The following STAG1 variants were observed in gnomAD, a reference collection of about 807,000 sequenced individuals.
The protein encoded by STAG1 is cohesin subunit SA-1.
A neutral mutation model predicts 170.9 loss-of-function variants in STAG1; 26 were observed. That is an observed-to-expected ratio of 0.15 (90% CI 0.11 to 0.21). The LOEUF (loss-of-function observed/expected upper bound fraction) is 0.21, where lower values mean the gene tolerates loss of function less well. STAG1 is among the 10% of genes least tolerant of loss of function. The pLI is 1.00. For missense variants in STAG1, 964 were observed against 1,509.5 expected (o/e 0.64, Z 5.99); for synonymous variants, 514 against 497.7 (o/e 1.03, Z -0.44).
At chr3:136,339,452 GGCAGAGGTT>G (rs1935850156) in intron 32 of STAG1, among the ~76,000 whole-genome samples, 1 of 152,170 alleles carries the variant, frequency 6.6e-6, no homozygotes, top group Non-Finnish European at 1.5e-5. Context: ...GAACCTGGGA[GGCAGAGGTT>G]GCAGTGAGCC....
At chr3:136,695,634 G>GAA (rs35284821) in intron 1 of STAG1, among the ~76,000 whole-genome samples, 13 of 143,318 alleles carry the variant, frequency 9.1e-5, no homozygotes, top group Non-Finnish European at 1.4e-4. Flanking sequence ...GTACTCACTA[G>GAA]AAAAAAAAAA....
intron 1 of STAG1, among the ~76,000 whole-genome samples, chr3:136,659,748 A>G (rs138376855): frequency 4.1e-4 from 63 of 152,386 alleles, no homozygotes; most frequent in African/African-American, 1.4e-3. Flanking sequence ...AAACTGATAC[A>G]GTAAAGGAGA....
chr3:136,651,018 G>A (rs1941199676), intron 1 of STAG1, among the ~76,000 whole-genome samples: 1 of 151,948 alleles, frequency 6.6e-6, no homozygotes, highest in Non-Finnish European at 1.5e-5. Context: ...AGAAGAAAGG[G>A]AAGATGACAA....
intron 4 of STAG1, among the ~76,000 whole-genome samples, chr3:136,585,611 T>C (rs1937776666): frequency 6.6e-6 from 1 of 151,374 alleles, no homozygotes; most frequent in Non-Finnish European, 1.5e-5. Context: ...ATAATAATAA[T>C]AATAATAAAA....
At chr3:136,499,500 C>A (rs901234921) in intron 9 of STAG1, among the ~76,000 whole-genome samples, 1 of 152,156 alleles carries the variant, frequency 6.6e-6, no homozygotes, top group African/African-American at 2.4e-5. Context: ...TCAAATGGGT[C>A]TGAAAACAGT....
At chr3:136,595,307 G>T (rs998618321) in intron 4 of STAG1, among the ~76,000 whole-genome samples, 1 of 152,038 alleles carries the variant, frequency 6.6e-6, no homozygotes, top group Admixed American at 6.6e-5. Flanking sequence ...TTCAGTGAAC[G>T]CTACCAAGTC....
intron 26 of STAG1, among the ~76,000 whole-genome samples, chr3:136,359,516 GT>G (rs1460832594): frequency 1.3e-5 from 2 of 152,082 alleles, no homozygotes; most frequent in African/African-American, 4.8e-5. Flanking sequence ...ACAGAAATTT[GT>G]TTCTAATAAT....
intron 1 of STAG1, among the ~76,000 whole-genome samples, chr3:136,751,603 T>C (rs1277613331): frequency 6.6e-6 from 1 of 151,176 alleles, no homozygotes; most frequent in Non-Finnish European, 1.5e-5. Flanking sequence ...GCCACCCCGC[T>C]GCCCCACCCC....
intron 15 of STAG1, among the ~76,000 whole-genome samples, chr3:136,438,778 A>G (rs1418776387): frequency 6.6e-6 from 1 of 152,146 alleles, no homozygotes; most frequent in Non-Finnish European, 1.5e-5. Flanking sequence ...TAGTTAATAA[A>G]TATTTTTAAA....
intron 5 of STAG1, among the ~76,000 whole-genome samples, chr3:136,563,385 T>C (rs1483922848): frequency 1.3e-5 from 2 of 152,148 alleles, no homozygotes; most frequent in Non-Finnish European, 2.9e-5. Flanking sequence ...CCATCTTTGT[T>C]GATTTTGTTT....
chr3:136,649,931 C>T (rs1941157175), intron 1 of STAG1, among the ~76,000 whole-genome samples: 2 of 151,880 alleles, frequency 1.3e-5, no homozygotes, highest in Non-Finnish European at 2.9e-5. Flanking sequence ...CCAAGCCTGG[C>T]TAATTCTTTG....
chr3:136,495,970 C>CAA lies in STAG1; in HGVS notation c.902+4251_902+4252dup, dbSNP rs35882097. Among the ~76,000 whole-genome samples the CAA allele has an allele frequency of 1.4e-3, 87 of 64,006 alleles. 1 individual carries two copies. The highest frequency in any genetic ancestry group is 4.2e-3 in the African/African-American group (60 of 14,214). The allele number at this position is 64,006 out of a possible 152,430, so 42.0% of individuals were successfully genotyped here. A position where few individuals can be genotyped will look rare whatever the true frequency, so the allele number is the denominator to read the frequency against. On this transcript the variant is annotated intron_variant, in intron 9 of 33. Transcript: ENST00000383202. ...TGGGTGACAGAGCAAGACTCCGTCT[C>CAA]AAAAAAAAAAAAAAAAAAAAAAAAT...
intron 1 of STAG1, among the ~76,000 whole-genome samples, chr3:136,742,291 G>C (rs960436550): frequency 3.9e-5 from 6 of 152,032 alleles, no homozygotes; most frequent in African/African-American, 1.4e-4. Context: ...AACCAAGATG[G>C]ACCATATGCT....
intron 4 of STAG1, among the ~76,000 whole-genome samples, chr3:136,600,849 CTTG>C (rs201694821): frequency 0.024 from 3,505 of 143,266 alleles, 77 homozygotes; most frequent in African/African-American, 0.025. Flanking sequence ...TTTATTTTTT[CTTG>C]TTGTTGTTTG....
chr3:136,731,662 T>G (rs774816306), intron 1 of STAG1, among the ~76,000 whole-genome samples: 1 of 152,252 alleles, frequency 6.6e-6, no homozygotes, highest in Admixed American at 6.5e-5. Flanking sequence ...AAACAAGAAC[T>G]GTGCTTCAAT....
At chr3:136,444,731 T>G (rs1242228634) in intron 14 of STAG1, among the ~76,000 whole-genome samples, 1 of 152,216 alleles carries the variant, frequency 6.6e-6, no homozygotes, top group East Asian at 1.9e-4. Context: ...TCATAAGTAG[T>G]GGCCCAAAAG....
chr3:136,553,921 T>C (rs1936508386), intron 5 of STAG1, among the ~76,000 whole-genome samples: 1 of 152,120 alleles, frequency 6.6e-6, no homozygotes, highest in Non-Finnish European at 1.5e-5. Flanking sequence ...ATTACAGTGA[T>C]TGTATTAAAT....
Position 136,746,444 on chromosome 3 carries a change from C to A in STAG1, c.-84+5751G>T, listed in dbSNP as rs1211548260. Reference sequence around the variant, plus strand: ...ATAAATGATGAGCTAAAAAAAAAAACTCACAATGTTTTAAGAAAGTGTATA... The same window carrying A: ...ATAAATGATGAGCTAAAAAAAAAAAATCACAATGTTTTAAGAAAGTGTATA... On this transcript the variant is annotated intron_variant, in intron 1 of 33. Transcript: ENST00000383202. 2.6e-5 allele frequency among the ~76,000 whole-genome samples: 4 copies of A among 151,364 alleles called. No homozygotes were observed. In the East Asian group the frequency reaches 7.8e-4, roughly 30 times the overall value.
At chr3:136,422,883 C>T (rs2088000328) in intron 17 of STAG1, 26 bp from the exon 18 acceptor site, 4 of 1,594,346 alleles carry the variant, frequency 2.5e-6, no homozygotes, top group Non-Finnish European at 3.4e-6. Context: ...AAGAAAAAGA[C>T]AGTAACTACT....
Sources: gnomAD v4.1 joint callset for allele counts (sites outside exome capture counted in the v4.1 genomes callset) on GRCh38, gnomAD v4.1.1 for gene constraint, MANE v1.5 for transcripts, NCBI Gene and HGNC (gene_info 2026-07-23, HGNC 2026-07-21) for gene names.